Variants in SPTA1 observed in about 807,000 individuals in gnomAD.
SPTA1 encodes spectrin alpha, erythrocytic 1.
Under a neutral mutation model 324.7 loss-of-function variants are expected in SPTA1, and 177 were observed. The observed-to-expected ratio is 0.55, with a 90% confidence interval of 0.48 to 0.62. SPTA1 has a LOEUF of 0.62. SPTA1 is among the 20% of genes least tolerant of loss of function. The pLI, the probability that SPTA1 is intolerant of heterozygous loss-of-function variation, is 0.00. For missense variants in SPTA1, 3,162 were observed against 2,883.6 expected, an observed-to-expected ratio of 1.10 and a Z score of -2.21; for synonymous variants, 1,195 against 1,041.3, an observed-to-expected ratio of 1.15 and a Z score of -2.84.
intron 26 of SPTA1, among the ~76,000 whole-genome samples, chr1:158,648,056 C>T (rs1410245842): frequency 6.6e-6 from 1 of 152,108 alleles, no homozygotes; most frequent in Non-Finnish European, 1.5e-5. Flanking sequence ...TAATGCCAAG[C>T]CTCTGAGTAT....
At position 158,683,448 on chromosome 1, in the gene SPTA1, A is replaced by G; in HGVS notation, c.313T>C (p.Ser105Pro). The change falls in exon 3 of 52, where the codon TCA (serine) becomes CCA (proline). Residue 105 changes from serine to proline, a missense_variant. By Grantham distance (74) the Ser-to-Pro change is moderately conservative. Transcript: ENST00000643759. ...QSLEAEVQTK[S>P]RLMSELEKTR... Reference sequence around the variant, plus strand: ...TTTTCCAGTTCAGACATGAGTCTTGATTTTGTTTGCACCTCTGCTTCAAGG... The same window carrying G: ...TTTTCCAGTTCAGACATGAGTCTTGGTTTTGTTTGCACCTCTGCTTCAAGG... The G allele has an allele frequency of 1.9e-6, 3 of 1,613,264 alleles. No homozygotes were observed. Among genetic ancestry groups the G allele is most frequent in the Non-Finnish European group, 2.5e-6 (3 of 1,179,476 alleles).
chr1:158,611,301 T>A lies in SPTA1; in HGVS notation c.7223A>T (p.Asp2408Val). Residue 2408 changes from aspartate (D) to valine (V), a missense_variant, in exon 52 of 52, where the codon GAC becomes GTC. Transcript: ENST00000643759. ...PRGRSHLSGY[D>V]YVGFTNSYFG... The stretch of plus-strand genomic sequence containing the variant: ...GTAGGAATTGGTGAAGCCAACGTAG[T>A]CATAGCCAGAGAGATGGCTTCGACC... 6.2e-7 allele frequency: 1 copy of A among 1,613,840 alleles called. No individual in the cohort carries two copies. The highest frequency in any genetic ancestry group is 8.5e-7 in the Non-Finnish European group (1 of 1,179,814).
intron 16 of SPTA1, 134 bp from the exon 17 acceptor site, chr1:158,663,079 A>T: frequency 7.9e-7 from 1 of 1,268,360 alleles, no homozygotes; most frequent in Admixed American, 1.9e-5. Context: ...TAATTAAATC[A>T]GTGAAATGGA....
chr1:158,676,216 T>C lies in SPTA1; in HGVS notation c.1037A>G (p.Glu346Gly), dbSNP rs1462029233. Reference sequence around the variant, plus strand: ...ATGCTCCCAGCTGGAGACCAGATCTTCTTTCATCTCCTGGATCTGAGGTGC... The same window carrying C: ...ATGCTCCCAGCTGGAGACCAGATCTCCTTTCATCTCCTGGATCTGAGGTGC... ...SDAPQIQEMK[E>G]DLVSSWEHIR... Residue 346 changes from glutamate (E) to glycine (G), a missense_variant, in exon 8 of 52, where the codon GAA becomes GGA. Transcript: ENST00000643759. 4 of 1,613,692 alleles carry C rather than the reference T, an allele frequency of 2.5e-6. No homozygotes were observed. Among genetic ancestry groups the C allele is most frequent in the Non-Finnish European group, 2.5e-6 (3 of 1,179,812 alleles).
chr1:158,631,245 G>A (rs1021065311), intron 39 of SPTA1, among the ~76,000 whole-genome samples: 2 of 152,036 alleles, frequency 1.3e-5, no homozygotes, highest in Non-Finnish European at 2.9e-5. Context: ...AAGAAAATGT[G>A]GTATATATAC....
chr1:158,629,199 ATC>A (rs1650511934), intron 39 of SPTA1, among the ~76,000 whole-genome samples: 1 of 151,384 alleles, frequency 6.6e-6, no homozygotes, highest in Admixed American at 6.6e-5. Flanking sequence ...CTATCTATCT[ATC>A]TATCTATCTA....
intron 17 of SPTA1, 62 bp from the exon 18 acceptor site, chr1:158,661,471 A>C: frequency 6.2e-7 from 1 of 1,609,792 alleles, no homozygotes; most frequent in East Asian, 2.2e-5. Flanking sequence ...AGCATACCTC[A>C]CTTTTTTAGA....
Position 158,674,612 on chromosome 1 carries a change from C to T in SPTA1, c.1176G>A (p.Ala392=), listed in dbSNP as rs777600539. ...CTGTTGGCAGCTCATCAGCATTGAT[C>T]GCAGCAGTCTTCTCGTTCATCCAGC... ...LSGWMNEKTA[A]INADELPTDV... Residue 392 remains alanine (A), a synonymous_variant, in exon 9 of 52, where the codon GCG becomes GCA. Transcript: ENST00000643759. 27 of 1,613,946 alleles carry T rather than the reference C, an allele frequency of 1.7e-5. No homozygotes were observed. Among genetic ancestry groups the T allele is most frequent in the East Asian group, 6.7e-5 (3 of 44,884 alleles).
At chr1:158,672,009 G>T in intron 11 of SPTA1, 50 bp downstream of exon 11, 1 of 1,610,560 alleles carries the variant, frequency 6.2e-7, no homozygotes, top group Non-Finnish European at 8.5e-7. Context: ...GGTGGCAAAT[G>T]AAGGGTGAGA....
chr1:158,675,759 G>A (rs1391668809), intron 8 of SPTA1, among the ~76,000 whole-genome samples: 1 of 152,222 alleles, frequency 6.6e-6, no homozygotes, highest in Non-Finnish European at 1.5e-5. Context: ...TAACGAGTGA[G>A]TAGATATACA....
intron 24 of SPTA1, among the ~76,000 whole-genome samples, 154 bp downstream of exon 24, chr1:158,651,213 T>C (rs1388103373): frequency 6.6e-6 from 1 of 152,214 alleles, no homozygotes; most frequent in Non-Finnish European, 1.5e-5. Context: ...ATTTGGGCTA[T>C]TGTCTTTGGC....
At chr1:158,655,038 G>A (rs1652731688) in intron 20 of SPTA1, among the ~76,000 whole-genome samples, 1 of 152,092 alleles carries the variant, frequency 6.6e-6, no homozygotes, top group Non-Finnish European at 1.5e-5. Flanking sequence ...AATGGGAGGA[G>A]TACATTTTAA....
chr1:158,649,129 T>C (rs1652226205), intron 25 of SPTA1, among the ~76,000 whole-genome samples: 1 of 152,214 alleles, frequency 6.6e-6, no homozygotes, highest in Non-Finnish European at 1.5e-5. Context: ...TACTTTTTTG[T>C]ATGTGTCTTT....
At chr1:158,625,239 A>G (rs1202284331) in intron 42 of SPTA1, among the ~76,000 whole-genome samples, 1 of 152,230 alleles carries the variant, frequency 6.6e-6, no homozygotes, top group Non-Finnish European at 1.5e-5. Context: ...GTATACTGGT[A>G]TCTGAAAAAG....
Position 158,662,800 on chromosome 1 carries a change from A to G in SPTA1, c.2366T>C (p.Leu789Pro). 2.5e-6 allele frequency: 4 copies of G among 1,613,994 alleles called. No individual in the cohort carries two copies. The highest frequency in any genetic ancestry group is 1.3e-5 in the African/African-American group (1 of 75,002). The change falls in exon 17 of 52, where the codon CTC becomes CCC. Residue 789 changes from leucine (L) to proline (P), a missense_variant. Physicochemically the swap from Leu to Pro is moderately conservative, Grantham distance 98. Coordinates refer to ENST00000643759, the MANE Select transcript of SPTA1 (RefSeq NM_003126.4). ...KEPLATRKKK[L>P]LDLLHLQLIC... Reference sequence around the variant, plus strand: ...CAGCTGCAGATGGAGAAGGTCTAAGAGCTTCTTCTTTCGGGTGGCCAGTGG... The same window carrying G: ...CAGCTGCAGATGGAGAAGGTCTAAGGGCTTCTTCTTTCGGGTGGCCAGTGG...
intron 37 of SPTA1, 150 bp downstream of exon 37, chr1:158,636,491 G>A: frequency 1.1e-6 from 1 of 921,784 alleles, no homozygotes; most frequent in Non-Finnish European, 1.7e-6. Flanking sequence ...AAATGTGGAA[G>A]AGAAAAGAAT....
At chr1:158,666,524 A>G (rs368915704) in intron 15 of SPTA1, 27 bp from the exon 16 acceptor site, 1 of 1,591,080 alleles carries the variant, frequency 6.3e-7, no homozygotes, top group Non-Finnish European at 8.6e-7. Context: ...GGTAGAAGAC[A>G]TTAGGTACCA....
At chr1:158,638,268 A>T (rs1651241718) in intron 35 of SPTA1, 27 bp from the exon 36 acceptor site, 1 of 1,597,050 alleles carries the variant, frequency 6.3e-7, no homozygotes, top group Non-Finnish European at 8.5e-7. Context: ...TACTCAGTGA[A>T]TAGTATAGTA....
At chr1:158,623,940 G>C (rs1650091359) in intron 42 of SPTA1, among the ~76,000 whole-genome samples, 1 of 152,190 alleles carries the variant, frequency 6.6e-6, no homozygotes, top group South Asian at 2.1e-4. Context: ...TCTGCATTCA[G>C]CTGTTCTAGC....
Sources: gnomAD v4.1 joint callset for allele counts (sites outside exome capture counted in the v4.1 genomes callset) on GRCh38, gnomAD v4.1.1 for gene constraint, MANE v1.5 for transcripts, NCBI Gene and HGNC (gene_info 2026-07-23, HGNC 2026-07-21) for gene names.